PHF2: variants seen among roughly 807,000 people sequenced by gnomAD.
PHF2 encodes the protein lysine-specific demethylase PHF2.
A neutral mutation model predicts 120.5 loss-of-function variants in PHF2; 27 were observed. That is an observed-to-expected ratio of 0.22 (90% confidence interval 0.17 to 0.31). The LOEUF is 0.31. PHF2 is among the 10% of genes least tolerant of loss of function. The pLI, the probability that PHF2 is intolerant of heterozygous loss-of-function variation, is 1.00. For missense variants in PHF2, 1,024 were observed against 1,434.8 expected (o/e 0.71, Z 4.63); for synonymous variants, 568 against 592.5 (o/e 0.96, Z 0.60).
At chr9:93,658,303 A>G (rs1826496209) in intron 10 of PHF2, 67 bp downstream of exon 10, 3 of 1,182,766 alleles carry the variant, frequency 2.5e-6, no homozygotes, top group Admixed American at 3.8e-5. Flanking sequence ...CTCCCTGGAG[A>G]CCCAGCAGCA....
chr9:93,591,204 G>A (rs185914474), intron 1 of PHF2, among the ~76,000 whole-genome samples: 24 of 152,356 alleles, frequency 1.6e-4, no homozygotes, highest in Admixed American at 5.2e-4. Context: ...GGCCCTGACC[G>A]TGTCTGTCAT....
chr9:93,672,494 G>A (rs1213719036), intron 17 of PHF2: 2 of 984,826 alleles, frequency 2.0e-6, no homozygotes, highest in Non-Finnish European at 2.4e-6. Context: ...AGGCACAGGT[G>A]TACATGCAGG....
chr9:93,594,778 C>G (rs895025026), intron 1 of PHF2: 1 of 152,258 alleles, frequency 6.6e-6, no homozygotes, highest in Non-Finnish European at 1.5e-5. Context: ...CAGCCTTAGT[C>G]CACACCGGCT....
chr9:93,605,050 A>T (rs1298556891), intron 1 of PHF2, among the ~76,000 whole-genome samples: 1 of 152,182 alleles, frequency 6.6e-6, no homozygotes, highest in Non-Finnish European at 1.5e-5. Context: ...ACAGTAAGAC[A>T]GAGTGAAAAG....
At chr9:93,659,402 A>C (rs1409826956) in intron 10 of PHF2, 109 bp from the exon 11 acceptor site, 2 of 857,582 alleles carry the variant, frequency 2.3e-6, no homozygotes, top group East Asian at 2.6e-5. Flanking sequence ...CCCTCGCCTC[A>C]TGCTCATCTG....
intron 1 of PHF2, among the ~76,000 whole-genome samples, chr9:93,606,374 T>C (rs10761242): frequency 0.36 from 54,164 of 152,162 alleles, 10,003 homozygotes; most frequent in Non-Finnish European, 0.4. Flanking sequence ...TACATCCTTG[T>C]CAGCATTTGG....
intron 17 of PHF2, 55 bp from the exon 18 acceptor site, chr9:93,673,530 C>G: frequency 2.7e-6 from 4 of 1,476,122 alleles, no homozygotes; most frequent in Non-Finnish European, 3.6e-6. Context: ...TGTTTAAGTG[C>G]CTGGGCTGCA....
intron 1 of PHF2, among the ~76,000 whole-genome samples, chr9:93,589,193 T>C (rs1863124043): frequency 6.6e-6 from 1 of 152,222 alleles, no homozygotes; most frequent in South Asian, 2.1e-4. Context: ...AGGAACCAAG[T>C]GCTCACTGAA....
chr9:93,600,836 G>C (rs1416423724), intron 1 of PHF2, among the ~76,000 whole-genome samples: 1 of 152,216 alleles, frequency 6.6e-6, no homozygotes, highest in African/African-American at 2.4e-5. Context: ...GCCTGATCCT[G>C]CTTAGCTTCC....
chr9:93,616,957 A>AT lies in PHF2; in HGVS notation c.99-13003dup, dbSNP rs894659607. ...AGGTATGAGCCACTGCACCCAGCCA[A>AT]TTTTTTTTTTAAATGTCAAAATTAG... On this transcript the variant is annotated intron_variant, in intron 1 of 21. Transcript: ENST00000359246. 1.3e-3 allele frequency among the ~76,000 whole-genome samples: 190 copies of AT among 150,464 alleles called. 2 individuals carry two copies. The highest frequency in any genetic ancestry group is 4.1e-3 in the African/African-American group (167 of 41,136).
At chr9:93,634,046 C>G (rs1826051773) in intron 2 of PHF2, among the ~76,000 whole-genome samples, 1 of 152,176 alleles carries the variant, frequency 6.6e-6, no homozygotes, top group South Asian at 2.1e-4. Flanking sequence ...CTCGGTGTTC[C>G]TCGCAGGTGG....
intron 6 of PHF2, among the ~76,000 whole-genome samples, chr9:93,653,584 G>A (rs1826405367): frequency 1.3e-5 from 2 of 152,222 alleles, no homozygotes; most frequent in Non-Finnish European, 2.9e-5. Context: ...TCCTTGTTCT[G>A]ATGGGATTCA....
chr9:93,632,705 G>A (rs1381492841), intron 2 of PHF2, among the ~76,000 whole-genome samples: 1 of 152,166 alleles, frequency 6.6e-6, no homozygotes, highest in Non-Finnish European at 1.5e-5. Flanking sequence ...CATCACCTTA[G>A]GGGTCAGGAT....
rs200577679 is a variant in PHF2, at chr9:93,675,035, C to T, written c.2722+13C>T. ...TACAGCCCAACAGGTAGTGCTGGGA[C>T]AGGGGTAGGGGGTCCACCTGACACC... On this transcript the variant is annotated intron_variant, in intron 19 of 21. Transcript: ENST00000359246. 168 of 1,603,404 alleles carry T rather than the reference C, an allele frequency of 1.0e-4. No homozygotes were observed. In the East Asian group the frequency reaches 3.6e-3, roughly 35 times the overall value.
intron 10 of PHF2, among the ~76,000 whole-genome samples, chr9:93,658,597 T>A (rs887371368): frequency 6.6e-6 from 1 of 151,900 alleles, no homozygotes; most frequent in Admixed American, 6.6e-5. Flanking sequence ...ACAGATGGCC[T>A]ATGGTGGGAT....
rs769969771 is a variant in PHF2 at position 93,676,895 on chromosome 9, C to T, written c.3134C>T (p.Ala1045Val). Residue 1045 changes from alanine (A) to valine (V), a missense_variant, in exon 21 of 22, where the codon GCC becomes GTC. Physicochemically the swap from Ala to Val is moderately conservative, Grantham distance 64. Transcript: ENST00000359246. ...AQAGRTSQPM[A>V]PGVFLTQRRP... ...GCTGGCCGCACCTCCCAGCCCATGG[C>T]CCCTGGGGTCTTTCTCACACAGAGG... The T allele has an allele frequency of 6.3e-6, 10 of 1,580,748 alleles. No homozygotes were observed. The highest frequency in any genetic ancestry group is 1.8e-5 in the Admixed American group (1 of 54,484).
chr9:93,609,761 G>C (rs1825603878), intron 1 of PHF2, among the ~76,000 whole-genome samples: 1 of 151,910 alleles, frequency 6.6e-6, no homozygotes, highest in Non-Finnish European at 1.5e-5. Flanking sequence ...AGAGTGCAGT[G>C]GTACAATCTT....
chr9:93,675,095 C>T, intron 19 of PHF2, 73 bp downstream of exon 19: 1 of 1,226,598 alleles, frequency 8.2e-7, no homozygotes, highest in East Asian at 2.3e-5. Flanking sequence ...TGTGGTCCCT[C>T]CAGCCCCTGA....
At chr9:93,627,491 G>GGTTTTTTTTTTTTTTTTTTT (rs1186546705) in intron 1 of PHF2, among the ~76,000 whole-genome samples, 1 of 41,076 alleles carries the variant, frequency 2.4e-5, no homozygotes, top group Non-Finnish European at 4.7e-5. Context: ...TTTATTTCAG[G>GGTTTTTTTTTTTTTTTTTTT]ATTTTTTTTT....
Sources: allele counts gnomAD v4.1 joint callset (sites outside exome capture counted in the v4.1 genomes callset), GRCh38; gene constraint gnomAD v4.1.1; transcripts MANE v1.5; gene names NCBI Gene and HGNC (gene_info 2026-07-23, HGNC 2026-07-21).